GRK3: variants seen among roughly 807,000 people sequenced by gnomAD.
GRK3 encodes G protein-coupled receptor kinase 3.
In GRK3, 54 loss-of-function variants were observed where a neutral mutation model predicts 95.7. That is an observed-to-expected ratio of 0.56 (90% CI 0.45 to 0.71). GRK3 has a LOEUF of 0.71. Among genes scored for constraint, GRK3 ranks in the 30% least tolerant of loss-of-function variants. GRK3 has a pLI of 0.00. For missense variants in GRK3, 649 were observed against 851.2 expected, an observed-to-expected ratio of 0.76 and a Z score of 2.96; for synonymous variants, 281 against 290.8, an observed-to-expected ratio of 0.97 and a Z score of 0.34.
Position 25,721,365 on chromosome 22 carries a change from A to G in GRK3, c.1873A>G (p.Lys625Glu). The change falls in exon 20 of 21, where the codon AAA becomes GAA. Residue 625 changes from lysine (K) to glutamate (E), a missense_variant. Coordinates refer to ENST00000324198, the MANE Select transcript of GRK3 (RefSeq NM_005160.4). ...CAAAAAATGCATTTTGTTCAGAATA[A>G]AAGGAGGGAAACAATTTGTCTTGCA... ...KDKKCILFRIKGGKQFVLQCE... is the reference protein window; with the variant it reads ...KDKKCILFRIEGGKQFVLQCE... 1 of 1,599,318 alleles carries G rather than the reference A, an allele frequency of 6.3e-7. No homozygotes were observed. Among genetic ancestry groups the G allele is most frequent in the Non-Finnish European group, 8.5e-7 (1 of 1,169,816 alleles).
chr22:25,629,591 G>A (rs16980514), intron 2 of GRK3, among the ~76,000 whole-genome samples: 10,435 of 152,244 alleles, frequency 0.069, 1,144 homozygotes, highest in African/African-American at 0.23. Context: ...AGTCGTAAGG[G>A]ACACCTGGCT....
chr22:25,640,195 G>C (rs1250204999), intron 2 of GRK3, among the ~76,000 whole-genome samples: 2 of 152,124 alleles, frequency 1.3e-5, no homozygotes, highest in African/African-American at 4.8e-5. Context: ...TGTTGAAGAG[G>C]AGTGAGATTA....
rs946282374 is a variant in GRK3, at chr22:25,684,152, A to C, written c.748-1018A>C. Reference sequence around the variant, plus strand: ...GCCCTGTTGTGTCACCTTAATAACAAATCAAGTGACCATTTATGTGTGGGC... The same window carrying C: ...GCCCTGTTGTGTCACCTTAATAACACATCAAGTGACCATTTATGTGTGGGC... On this transcript the variant is annotated intron_variant, in intron 9 of 20. Transcript: ENST00000324198. Among the ~76,000 whole-genome samples, 5 of 152,196 alleles carry C rather than the reference A, an allele frequency of 3.3e-5. No individual in the cohort carries two copies. In the East Asian group the frequency reaches 9.6e-4, roughly 29 times the overall value.
At chr22:25,673,715 G>A (rs569876019) in intron 7 of GRK3, among the ~76,000 whole-genome samples, 1 of 151,928 alleles carries the variant, frequency 6.6e-6, no homozygotes, top group Non-Finnish European at 1.5e-5. Context: ...ATTGTCTTAC[G>A]GCCTCTTACG....
Position 25,623,332 on chromosome 22 carries a change from G to A in GRK3, c.190+18879G>A, listed in dbSNP as rs559070821. On this transcript the variant is annotated intron_variant, in intron 2 of 20. Transcript: ENST00000324198. The stretch of plus-strand genomic sequence containing the variant: ...TGACGAGACAGAGTGATGCGGCTAC[G>A]ATGGCATTGGGCCTTCCTAATTCCC... Among the ~76,000 whole-genome samples the A allele has an allele frequency of 5.3e-5, 8 of 152,354 alleles. 1 individual carries two copies. In the South Asian group the frequency reaches 1.7e-3, roughly 32 times the overall value.
At chr22:25,659,177 A>G (rs1212578330) in intron 3 of GRK3, among the ~76,000 whole-genome samples, 1 of 152,164 alleles carries the variant, frequency 6.6e-6, no homozygotes, top group East Asian at 1.9e-4. Flanking sequence ...CTACCAAAGG[A>G]GACCAAGAAA....
At chr22:25,709,795 G>A in intron 15 of GRK3, 103 bp from the exon 16 acceptor site, 1 of 779,058 alleles carries the variant, frequency 1.3e-6, no homozygotes, top group Non-Finnish European at 2.2e-6. Flanking sequence ...GGAAAAAGTG[G>A]AAATACTTGC....
intron 1 of GRK3, among the ~76,000 whole-genome samples, chr22:25,592,813 G>A (rs573367763): frequency 4.2e-4 from 36 of 85,154 alleles, no homozygotes; most frequent in East Asian, 3.3e-3. Flanking sequence ...TCCCTCCCCC[G>A]CCATTCATCC....
rs373417622 is a variant in GRK3, at chr22:25,718,229, A to T, written c.1655-16A>T. On this transcript the variant is annotated splice_polypyrimidine_tract_variant and intron_variant, in intron 18 of 20. Transcript: ENST00000324198. ...TTCAGAGCCTATTTAACTCCTAGTG[A>T]TTTTGTATTCCTCAGATTACGCTCT... 51 of 1,609,862 alleles carry T rather than the reference A, an allele frequency of 3.2e-5. No individual in the cohort carries two copies. The highest frequency in any genetic ancestry group is 1.9e-4 in the African/African-American group (14 of 74,804).
chr22:25,606,418 T>C (rs1170091876), intron 2 of GRK3, among the ~76,000 whole-genome samples: 1 of 152,100 alleles, frequency 6.6e-6, no homozygotes, highest in Middle Eastern at 3.2e-3. Context: ...TCCCCGTTTT[T>C]CTCTGTAGTA....
At chr22:25,682,076 G>A (rs1011391628) in intron 9 of GRK3, among the ~76,000 whole-genome samples, 2 of 152,152 alleles carry the variant, frequency 1.3e-5, no homozygotes, top group African/African-American at 4.8e-5. Flanking sequence ...TCACCTGCGT[G>A]TTTATTTTAC....
chr22:25,580,700 T>A (rs1316065705), intron 1 of GRK3: 2 of 152,224 alleles, frequency 1.3e-5, no homozygotes, highest in Non-Finnish European at 2.9e-5. Context: ...TGCCCACAGC[T>A]AATTTTTTGT....
chr22:25,696,543 A>T (rs1198112825), intron 13 of GRK3, among the ~76,000 whole-genome samples: 1 of 152,212 alleles, frequency 6.6e-6, no homozygotes, highest in Non-Finnish European at 1.5e-5. Flanking sequence ...ATTCAGACTC[A>T]TAAATCATTT....
intron 4 of GRK3, 66 bp from the exon 5 acceptor site, chr22:25,663,564 T>C: frequency 2.0e-6 from 2 of 991,544 alleles, no homozygotes; most frequent in South Asian, 1.6e-5. Flanking sequence ...TCTGTTGTGA[T>C]ATTATATAAC....
intron 12 of GRK3, among the ~76,000 whole-genome samples, 191 bp from the exon 13 acceptor site, chr22:25,694,916 T>C (rs1428457032): frequency 2.0e-5 from 3 of 152,218 alleles, no homozygotes; most frequent in South Asian, 4.1e-4. Context: ...AATTCATACA[T>C]GAGTGAAGGC....
At chr22:25,631,897 A>G (rs1220899674) in intron 2 of GRK3, among the ~76,000 whole-genome samples, 5 of 152,200 alleles carry the variant, frequency 3.3e-5, no homozygotes, top group Admixed American at 6.5e-5. Context: ...CTTTGCACGT[A>G]TGAGTAGTTC....
chr22:25,620,006 TTGTG>T (rs56260834), intron 2 of GRK3, among the ~76,000 whole-genome samples: 986 of 90,224 alleles, frequency 0.011, 4 homozygotes, highest in South Asian at 0.013. Flanking sequence ...TTTGTCTTTT[TTGTG>T]TGTGTGTGTG....
chr22:25,663,649 TA>T lies in GRK3; in HGVS notation c.387del (p.Glu130AsnfsTer12). ...SCSHPFSKQA[V>X]EHVQSHLSKK... ...TGATAGCCTTTCTCAAAGCAAGCTG[TA>T]GAACACGTACAAAGTCATTTATCCA... On this transcript the variant is annotated frameshift_variant, in exon 5 of 21. Transcript: ENST00000324198. LOFTEE classifies it high-confidence loss of function. 6.2e-7 allele frequency: 1 copy of T among 1,610,316 alleles called. No individual in the cohort carries two copies. The highest frequency in any genetic ancestry group is 8.5e-7 in the Non-Finnish European group (1 of 1,178,300).
chr22:25,631,391 C>A (rs1257255463), intron 2 of GRK3, among the ~76,000 whole-genome samples: 1 of 152,130 alleles, frequency 6.6e-6, no homozygotes, highest in Non-Finnish European at 1.5e-5. Flanking sequence ...ATGAAAACAT[C>A]CTGTAGACAT....
Sources: gnomAD v4.1 joint callset for allele counts (sites outside exome capture counted in the v4.1 genomes callset) on GRCh38, gnomAD v4.1.1 for gene constraint, MANE v1.5 for transcripts, NCBI Gene and HGNC (gene_info 2026-07-23, HGNC 2026-07-21) for gene names.